CUBN: variants seen among roughly 807,000 people sequenced by gnomAD.
CUBN encodes 460 kDa receptor.
Under a neutral mutation model 405.3 loss-of-function variants are expected in CUBN, and 282 were observed. The observed-to-expected ratio is 0.70, with a 90% CI of 0.63 to 0.77. The LOEUF (loss-of-function observed/expected upper bound fraction) is 0.77. Ranked by LOEUF, CUBN falls within the 30% of genes least tolerant of loss-of-function variation. CUBN has a pLI of 0.00. For synonymous variants in CUBN, 1,684 were observed against 1,617.0 expected (o/e 1.04, Z -0.99); for missense variants, 4,514 against 4,475.2 (o/e 1.01, Z -0.25).
intron 15 of CUBN, among the ~76,000 whole-genome samples, chr10:17,087,472 C>CTTTTTTTTTTTTTTTTTTTTT (rs775573918): frequency 1.4e-4 from 10 of 71,704 alleles, no homozygotes; most frequent in African/African-American, 3.3e-4. Context: ...TTTTCTTTTT[C>CTTTTTTTTTTTTTTTTTTTTT]TTTTTTTTTT....
At chr10:16,998,207 C>T (rs1006357465) in intron 28 of CUBN, among the ~76,000 whole-genome samples, 1 of 151,712 alleles carries the variant, frequency 6.6e-6, no homozygotes, top group Non-Finnish European at 1.5e-5. Context: ...TGACTGTGAC[C>T]TTTTTGGAGG....
chr10:16,897,579 C>A (rs1841223181), intron 54 of CUBN, among the ~76,000 whole-genome samples: 1 of 152,062 alleles, frequency 6.6e-6, no homozygotes, highest in South Asian at 2.1e-4. Context: ...AGAGGCTTCC[C>A]AGACTGGCCC....
At chr10:17,028,747 A>G (rs930472857) in intron 27 of CUBN, among the ~76,000 whole-genome samples, 1 of 151,630 alleles carries the variant, frequency 6.6e-6, no homozygotes, top group African/African-American at 2.4e-5. Context: ...AAAGAAAGAA[A>G]AAATAATAAA....
intron 27 of CUBN, among the ~76,000 whole-genome samples, chr10:17,033,651 A>G (rs1834829376): frequency 6.6e-6 from 1 of 152,198 alleles, no homozygotes; most frequent in Non-Finnish European, 1.5e-5. Flanking sequence ...TATTTGTGAA[A>G]CATCTACCAA....
chr10:16,882,555 A>C (rs1045514568), intron 56 of CUBN, among the ~76,000 whole-genome samples: 2 of 152,240 alleles, frequency 1.3e-5, no homozygotes, highest in Admixed American at 6.5e-5. Context: ...GAGTAATTCC[A>C]CAAATAGAAT....
At chr10:17,075,241 G>A (rs192262264) in intron 17 of CUBN, among the ~76,000 whole-genome samples, 40 of 151,750 alleles carry the variant, frequency 2.6e-4, no homozygotes, top group African/African-American at 8.2e-4. Flanking sequence ...ACGCCACCAC[G>A]CCCAGCTAAT....
At chr10:16,991,590 A>G (rs1048816733) in intron 28 of CUBN, among the ~76,000 whole-genome samples, 3 of 151,850 alleles carry the variant, frequency 2.0e-5, no homozygotes, top group Admixed American at 2.0e-4. Context: ...GGTGATTAAC[A>G]AAACATTTTT....
At chr10:17,079,682 C>T (rs900215057) in intron 17 of CUBN, among the ~76,000 whole-genome samples, 1 of 152,192 alleles carries the variant, frequency 6.6e-6, no homozygotes, top group South Asian at 2.1e-4. Flanking sequence ...TGTTTGCTTG[C>T]TCCAGGCCTT....
intron 17 of CUBN, among the ~76,000 whole-genome samples, chr10:17,074,077 C>T (rs1835798927): frequency 1.3e-5 from 2 of 152,198 alleles, no homozygotes; most frequent in Non-Finnish European, 2.9e-5. Context: ...AGGATACAGA[C>T]ATCCAAATAT....
intron 62 of CUBN, among the ~76,000 whole-genome samples, chr10:16,837,705 G>A (rs1474991538): frequency 1.3e-5 from 2 of 152,062 alleles, no homozygotes; most frequent in Admixed American, 1.3e-4. Flanking sequence ...AATTAGGGCT[G>A]CTCTGTCTAC....
chr10:17,119,008 T>C (rs1451415414), intron 6 of CUBN, among the ~76,000 whole-genome samples: 1 of 152,226 alleles, frequency 6.6e-6, no homozygotes, highest in Non-Finnish European at 1.5e-5. Context: ...AAGTGCATTT[T>C]GGCAATTGAG....
At position 17,065,604 on chromosome 10, in the gene CUBN, T is replaced by C. The variant is rs1835597249; in HGVS notation, c.3043A>G (p.Ser1015Gly). The C allele has an allele frequency of 6.2e-7, 1 of 1,613,516 alleles. No homozygotes were observed. Among genetic ancestry groups the C allele is most frequent in the Non-Finnish European group, 8.5e-7 (1 of 1,179,632 alleles). Residue 1015 changes from serine to glycine, a missense_variant, in exon 22 of 67, where the codon AGC (serine) becomes GGC (glycine). By Grantham distance (56) the Ser-to-Gly change is moderately conservative. Around this residue, in one of 5 missense-constraint regions of CUBN, gnomAD observed 1,448 missense variants for 1,388.0 expected, o/e 1.04. Coordinates refer to ENST00000377833, the MANE Select transcript of CUBN (RefSeq NM_001081.4). The stretch of plus-strand genomic sequence containing the variant: ...ACCAGCATCAATGAGTTACCACTGC[T>C]TGTGAGAGATGGCGGGATCGACTTT... ...CGKSIPPSLT[S>G]SGNSLMLVFV...
chr10:17,092,303 T>C (rs989962407), intron 14 of CUBN, among the ~76,000 whole-genome samples: 4 of 152,110 alleles, frequency 2.6e-5, no homozygotes, highest in Non-Finnish European at 5.9e-5. Flanking sequence ...TGGACTGACA[T>C]CCCTCTACAA....
intron 22 of CUBN, among the ~76,000 whole-genome samples, chr10:17,063,132 AC>A (rs985696887): frequency 3.3e-5 from 5 of 151,116 alleles, no homozygotes; most frequent in East Asian, 3.9e-4. Flanking sequence ...ATGCTGCAGG[AC>A]CCCCCCTCAG....
chr10:17,078,928 A>T (rs781710446), intron 17 of CUBN, among the ~76,000 whole-genome samples: 18 of 152,180 alleles, frequency 1.2e-4, no homozygotes, highest in African/African-American at 4.1e-4. Context: ...CGCATGTTCA[A>T]TGGGTTTGCA....
rs1420078294 is a variant in CUBN, at chr10:16,913,403, G to C, written c.7533+408C>G. ...TCACGTAGCAGTGCTCTCCCACCAA[G>C]AGTCCCTCTGTACCCCTGGAGAGAG... On this transcript the variant is annotated intron_variant, in intron 48 of 66. Coordinates refer to ENST00000377833, the MANE Select transcript of CUBN (RefSeq NM_001081.4). Among the ~76,000 whole-genome samples the C allele has an allele frequency of 3.9e-5, 6 of 152,176 alleles. No individual in the cohort carries two copies. In the East Asian group the frequency reaches 5.8e-4, roughly 15 times the overall value.
chr10:17,059,750 C>T (rs975758049), intron 22 of CUBN, among the ~76,000 whole-genome samples: 1 of 152,218 alleles, frequency 6.6e-6, no homozygotes, highest in Non-Finnish European at 1.5e-5. Context: ...CAATTTTCTG[C>T]TAGGCGGTCA....
intron 28 of CUBN, among the ~76,000 whole-genome samples, chr10:16,993,276 A>C (rs1051405163): frequency 3.3e-5 from 5 of 152,214 alleles, no homozygotes; most frequent in Middle Eastern, 3.2e-3. Flanking sequence ...TAGATAGCTC[A>C]TTTCTGCATT....
At position 17,041,200 on chromosome 10, in the gene CUBN, C is replaced by G. The variant is rs1402801365; in HGVS notation, c.3850G>C (p.Val1284Leu). 4 of 1,613,374 alleles carry G rather than the reference C, an allele frequency of 2.5e-6. No individual in the cohort carries two copies. In the African/African-American group the frequency reaches 5.3e-5, roughly 22 times the overall value. Reference protein sequence around the residue: ...YRQTCENVVIVNQTYGILESI... With the variant: ...YRQTCENVVILNQTYGILESI... ...TCTAAGATGCCATAGGTTTGATTGA[C>G]TATTACCACATTCTCACATGCTGGA... Residue 1284 changes from valine (V) to leucine (L), a missense_variant, in exon 27 of 67, where the codon GTC becomes CTC. This residue lies in a region of CUBN where 242 missense variants were observed against 309.0 expected (regional missense o/e 0.78). Transcript: ENST00000377833.
Sources: allele counts gnomAD v4.1 joint callset (sites outside exome capture counted in the v4.1 genomes callset), GRCh38; gene constraint gnomAD v4.1.1; regional missense constraint gnomAD v4.1.1; transcripts MANE v1.5; gene names NCBI Gene and HGNC (gene_info 2026-07-23, HGNC 2026-07-21).